The following NCS1 variants were observed in gnomAD, a reference collection of about 807,000 sequenced individuals.
The protein encoded by NCS1 is neuronal calcium sensor 1.
NCS1 carries 6 observed loss-of-function variants against 28.4 expected under a neutral mutation model. That is an observed-to-expected ratio of 0.21 (90% confidence interval 0.12 to 0.42). The LOEUF is 0.42. NCS1 is among the 10% of genes least tolerant of loss of function. The pLI is 1.00. For missense variants in NCS1, 131 were observed against 241.4 expected (o/e 0.54, Z 3.03); for synonymous variants, 86 against 99.3 (o/e 0.87, Z 0.79).
intron 1 of NCS1, among the ~76,000 whole-genome samples, chr9:130,174,790 C>CAAAAAAAAAAAAAAAAAA (rs34473694): frequency 2.2e-5 from 2 of 91,590 alleles, no homozygotes; most frequent in African/African-American, 5.1e-5. Context: ...ACTCTGTCTC[C>CAAAAAAAAAAAAAAAAAA]AAAAAAAAAA....
Position 130,181,645 on chromosome 9 carries a change from T to C in NCS1, c.64+8918T>C, listed in dbSNP as rs1554905150. Among the ~76,000 whole-genome samples, 1 of 152,158 alleles carries C rather than the reference T, an allele frequency of 6.6e-6. No homozygotes were observed. Among genetic ancestry groups the C allele is most frequent in the African/African-American group, 2.4e-5 (1 of 41,448 alleles). ...GCCTGGAGTCTGCACACTGAAGCCC[T>C]GGGCCGCGGTGAGGGGCCCCTGCTT... On this transcript the variant is annotated intron_variant, in intron 1 of 7. Transcript: ENST00000372398. The surrounding 1 kb of genome is among the most constrained non-coding windows in gnomAD (Gnocchi z 5.0).
rs1833570011 is a variant in NCS1 at position 130,235,364 on chromosome 9, C to G, written c.*2392C>G. On this transcript the variant is annotated 3_prime_UTR_variant, in exon 8 of 8. Transcript: ENST00000372398. Reference sequence around the variant, plus strand: ...AGGATGAGGGAGGTCTTTCCCAGGTCAAATTACTTTCCTTTGGCCTCTGCC... The same window carrying G: ...AGGATGAGGGAGGTCTTTCCCAGGTGAAATTACTTTCCTTTGGCCTCTGCC... 1.3e-5 allele frequency: 2 copies of G among 152,442 alleles called. No individual in the cohort carries two copies. The highest frequency in any genetic ancestry group is 2.4e-5 in the African/African-American group (1 of 41,464). 9.4% of individuals were successfully genotyped at this position (152,442 alleles called of 1,614,324 possible). A position where few individuals can be genotyped will look rare whatever the true frequency, so the allele number is the denominator to read the frequency against.
At chr9:130,206,463 C>A (rs1215166304) in intron 2 of NCS1, among the ~76,000 whole-genome samples, 8 of 142,900 alleles carry the variant, frequency 5.6e-5, no homozygotes, top group South Asian at 4.4e-4. Flanking sequence ...GGCTAGAGTG[C>A]AGTGGCACGA....
rs1274463770 is a variant in NCS1, at chr9:130,236,586, A to C, written c.*3614A>C. ...TTTTAATATCTGCGGAATAAACCCA[A>C]TGGTTAATTTTTGAATGAATAAAAG... is the stretch of plus-strand genomic sequence containing the variant. On this transcript the variant is annotated 3_prime_UTR_variant, in exon 8 of 8. Transcript: ENST00000372398. The C allele has an allele frequency of 6.7e-6, 1 of 149,976 alleles. No individual in the cohort carries two copies. Among genetic ancestry groups the C allele is most frequent in the Non-Finnish European group, 1.5e-5 (1 of 67,476 alleles). 9.3% of individuals were successfully genotyped at this position (149,976 alleles called of 1,614,324 possible). A position where few individuals can be genotyped will look rare whatever the true frequency, so the allele number is the denominator to read the frequency against.
intron 1 of NCS1, among the ~76,000 whole-genome samples, chr9:130,174,339 C>A (rs1395775376): frequency 6.6e-6 from 1 of 152,200 alleles, no homozygotes; most frequent in African/African-American, 2.4e-5. Flanking sequence ...AAGCTCTTGG[C>A]ATCATTAGCA....
chr9:130,221,409 TATATAGAGAGAGAGAGAG>T (rs1249745246), intron 4 of NCS1, among the ~76,000 whole-genome samples: 6 of 46,100 alleles, frequency 1.3e-4, no homozygotes, highest in African/African-American at 5.9e-4. Context: ...TATATATATA[TATATAGAGAGAGAGAGAG>T]AGAGAGAGAG....
intron 1 of NCS1, among the ~76,000 whole-genome samples, chr9:130,182,206 G>A (rs146032087): frequency 2.0e-5 from 3 of 152,314 alleles, no homozygotes; most frequent in African/African-American, 7.2e-5. Flanking sequence ...GGCAAGTTCA[G>A]GGACACGCCC....
At chr9:130,200,187 G>A (rs180846073) in intron 1 of NCS1, among the ~76,000 whole-genome samples, 38 of 152,324 alleles carry the variant, frequency 2.5e-4, no homozygotes, top group Non-Finnish European at 1.2e-4. Flanking sequence ...CGCTCACACA[G>A]GCAGGGAGCA....
At chr9:130,200,532 A>G (rs1360026269) in intron 1 of NCS1, 9 of 1,548,446 alleles carry the variant, frequency 5.8e-6, no homozygotes, top group Non-Finnish European at 7.9e-6. Context: ...ACCCCCCCAC[A>G]TAGGTGGGGC....
chr9:130,212,282 C>T (rs1251215422), intron 2 of NCS1, among the ~76,000 whole-genome samples: 9 of 151,974 alleles, frequency 5.9e-5, no homozygotes, highest in Non-Finnish European at 7.4e-5. Context: ...ACCATCTGGT[C>T]CAGTGGTTCT....
At chr9:130,230,528 G>A (rs1217985633) in intron 7 of NCS1, among the ~76,000 whole-genome samples, 1 of 151,932 alleles carries the variant, frequency 6.6e-6, no homozygotes, top group East Asian at 1.9e-4. Context: ...AGGCAACATA[G>A]AGAGACTCTG....
rs200897142 is a variant in NCS1 at position 130,223,173 on chromosome 9, G to T, written c.474+14G>T. On this transcript the variant is annotated intron_variant, in intron 6 of 7. Transcript: ENST00000372398. ...ATGATGGATAAGGTGAGGTGGGGGG[G>T]CGGGGCTGGTCCTGGACCAGGGAGG... is the stretch of plus-strand genomic sequence containing the variant. 8.6e-5 allele frequency: 137 copies of T among 1,584,756 alleles called. No homozygotes were observed. In the East Asian group the frequency reaches 3.0e-3, roughly 34 times the overall value.
In NCS1 at chr9:130,212,983, C is replaced by A. The variant is rs140797964; in HGVS notation, c.90-4849C>A. On this transcript the variant is annotated intron_variant, in intron 2 of 7. Transcript: ENST00000372398. Reference sequence around the variant, plus strand: ...GTGGCTGGGAAGGTTCAGACCCCCCCATCCCGTCTCTCTGCTCCAGTTGAG... The same window carrying A: ...GTGGCTGGGAAGGTTCAGACCCCCCAATCCCGTCTCTCTGCTCCAGTTGAG... Among the ~76,000 whole-genome samples, 69 of 152,282 alleles carry A rather than the reference C, an allele frequency of 4.5e-4. 1 individual carries two copies. The East Asian group carries it at 0.013, about 29-fold the overall frequency.
chr9:130,213,092 C>CG (rs541431739), intron 2 of NCS1, among the ~76,000 whole-genome samples: 45 of 152,254 alleles, frequency 3.0e-4, no homozygotes, highest in African/African-American at 9.6e-4. Context: ...TGCGCTTACA[C>CG]GGGGGCGGTG....
In NCS1 at chr9:130,209,368, G is replaced by A. The variant is rs376783325; in HGVS notation, c.89+8386G>A. 2.0e-5 allele frequency among the ~76,000 whole-genome samples: 3 copies of A among 152,224 alleles called. No individual in the cohort carries two copies. Among genetic ancestry groups the A allele is most frequent in the Admixed American group, 6.5e-5 (1 of 15,280 alleles). ...GGGGGAAGTCCTAGAGGACCGGGGC[G>A]TTTGGGAGACTGAGGCCTGGCAGTG... On this transcript the variant is annotated intron_variant, in intron 2 of 7. Transcript: ENST00000372398. This position sits in a 1 kb window ranked among gnomAD's most constrained non-coding sequence, Gnocchi z 4.4.
intron 4 of NCS1, among the ~76,000 whole-genome samples, chr9:130,221,389 TATATATATATATATATATATATATAGAG>T (rs1833287893): frequency 4.1e-5 from 1 of 24,406 alleles, no homozygotes; most frequent in African/African-American, 9.9e-5. Flanking sequence ...TATATATATA[TATATATATATATATATATATATATAGAG>T]AGAGAGAGAG....
intron 3 of NCS1, among the ~76,000 whole-genome samples, chr9:130,218,749 C>G (rs573517167): frequency 3.7e-4 from 56 of 152,228 alleles, no homozygotes; most frequent in African/African-American, 1.3e-3. Flanking sequence ...CGTCACCACA[C>G]CTGGCTAATT....
intron 7 of NCS1, among the ~76,000 whole-genome samples, chr9:130,227,347 A>G (rs960051132): frequency 2.6e-5 from 4 of 152,192 alleles, no homozygotes; most frequent in Non-Finnish European, 5.9e-5. Flanking sequence ...CGTCCAAGGT[A>G]TTGTCCAGAG....
chr9:130,213,592 T>C (rs1011277577), intron 2 of NCS1, among the ~76,000 whole-genome samples: 6 of 149,640 alleles, frequency 4.0e-5, no homozygotes, highest in Non-Finnish European at 8.9e-5. Flanking sequence ...CGGTTTTCTT[T>C]TCTTTTTTTT....
Sources: allele counts gnomAD v4.1 joint callset (sites outside exome capture counted in the v4.1 genomes callset), GRCh38; gene constraint gnomAD v4.1.1; non-coding constraint Gnocchi (gnomAD v3.1); transcripts MANE v1.5; gene names NCBI Gene and HGNC (gene_info 2026-07-23, HGNC 2026-07-21).